ALG6: variants seen among roughly 807,000 people sequenced by gnomAD.
ALG6 encodes the protein ALG6 alpha-1,3-glucosyltransferase, also known as dolichyl pyrophosphate Man9GlcNAc2 alpha-1,3-glucosyltransferase.
ALG6 carries 46 observed loss-of-function variants against 66.6 expected under a neutral mutation model. The observed-to-expected ratio is 0.69, with a 90% CI of 0.55 to 0.88. ALG6 has a LOEUF of 0.88. Among genes scored for constraint, ALG6 ranks in the 40% least tolerant of loss-of-function variants. The pLI, the probability that ALG6 is intolerant of heterozygous loss-of-function variation, is 0.00. For missense variants in ALG6, 505 were observed against 586.8 expected (o/e 0.86, Z 1.44); for synonymous variants, 185 against 203.7 (o/e 0.91, Z 0.78).
intron 1 of ALG6, among the ~76,000 whole-genome samples, chr1:63,369,479 A>C (rs1392700133): frequency 2.0e-5 from 3 of 152,022 alleles, no homozygotes; most frequent in Non-Finnish European, 4.4e-5. Flanking sequence ...CAATACAAAA[A>C]TTAGCCAGGC....
chr1:63,391,019 A>C (rs1222670852), intron 2 of ALG6, among the ~76,000 whole-genome samples: 1 of 152,054 alleles, frequency 6.6e-6, no homozygotes, highest in African/African-American at 2.4e-5. Context: ...TAGCTGTTGA[A>C]TTTGGTGTTC....
intron 10 of ALG6, among the ~76,000 whole-genome samples, chr1:63,415,337 C>T (rs560929602): frequency 7.1e-4 from 108 of 152,246 alleles, no homozygotes; most frequent in African/African-American, 2.5e-3. Flanking sequence ...AGTTCTTTTT[C>T]CTCCCACCCA....
intron 14 of ALG6, among the ~76,000 whole-genome samples, chr1:63,434,182 T>C (rs1296046774): frequency 6.6e-6 from 1 of 152,164 alleles, no homozygotes; most frequent in African/African-American, 2.4e-5. Context: ...TTGTGGATAA[T>C]GGAATCCATG....
intron 12 of ALG6, among the ~76,000 whole-genome samples, chr1:63,427,722 C>T (rs897692387): frequency 3.3e-5 from 5 of 151,540 alleles, no homozygotes; most frequent in Non-Finnish European, 7.4e-5. Context: ...AATTGAATCC[C>T]AAAGGTACTG....
intron 2 of ALG6, among the ~76,000 whole-genome samples, chr1:63,387,530 CTCTTTTTTTTTTTTTTT>C (rs1396600596): frequency 3.3e-5 from 2 of 60,186 alleles, no homozygotes; most frequent in African/African-American, 1.4e-4. Flanking sequence ...CTTTGTCTTT[CTCTTTTTTTTTTTTTTT>C]TTTTTTTTTT....
chr1:63,425,923 C>T (rs113209598), intron 12 of ALG6, among the ~76,000 whole-genome samples: 286 of 151,308 alleles, frequency 1.9e-3, no homozygotes, highest in African/African-American at 6.6e-3. Context: ...AAAAGATTGT[C>T]GGAGTTGGAA....
At chr1:63,388,912 G>A (rs1032358892) in intron 2 of ALG6, among the ~76,000 whole-genome samples, 2 of 151,892 alleles carry the variant, frequency 1.3e-5, no homozygotes, top group Non-Finnish European at 2.9e-5. Flanking sequence ...TCTGGCCTGT[G>A]TGGCTTTCTA....
intron 2 of ALG6, among the ~76,000 whole-genome samples, chr1:63,381,051 GGCTCACACCTGTA>G (rs1314806608): frequency 6.6e-6 from 1 of 152,230 alleles, no homozygotes; most frequent in Non-Finnish European, 1.5e-5. Flanking sequence ...TGGGCCCAGT[GGCTCACACCTGTA>G]ATCCCAGCAC....
In ALG6 at chr1:63,400,269, G is replaced by A. The variant is rs1321888764; in HGVS notation, c.168-1985G>A. Reference sequence around the variant, plus strand: ...CGTATATATATGTATATATATATACGTATATATATATACGTATATATATAT... The same window carrying A: ...CGTATATATATGTATATATATATACATATATATATATACGTATATATATAT... On this transcript the variant is annotated intron_variant, in intron 3 of 14. Coordinates refer to ENST00000263440, the MANE Select transcript of ALG6 (RefSeq NM_013339.4). Among the ~76,000 whole-genome samples, 6 of 7,546 alleles carry A rather than the reference G, an allele frequency of 8.0e-4. 1 individual carries two copies. Among genetic ancestry groups the A allele is most frequent in the East Asian group, 0.013 (2 of 160 alleles). The allele number at this position is 7,546 out of a possible 152,430, so 5.0% of individuals were successfully genotyped here. A position where few individuals can be genotyped will look rare whatever the true frequency, so the allele number is the denominator to read the frequency against.
At chr1:63,370,055 T>C (rs35475514) in intron 1 of ALG6, among the ~76,000 whole-genome samples, 24,972 of 151,896 alleles carry the variant, frequency 0.16, 2,244 homozygotes, top group Middle Eastern at 0.28. Flanking sequence ...TGACCTCAGG[T>C]GATCTGCCCA....
Position 63,404,561 on chromosome 1 carries a change from TG to T in ALG6, c.346+21del. On this transcript the variant is annotated intron_variant, in intron 5 of 14. Coordinates refer to ENST00000263440, the MANE Select transcript of ALG6 (RefSeq NM_013339.4). ...CAACAGGTAAAAGAGCAATGGGTAG[TG>T]AATATAAAATTTGATTTTTTAAAAA... 6.2e-7 allele frequency: 1 copy of T among 1,607,460 alleles called. No individual in the cohort carries two copies. Among genetic ancestry groups the T allele is most frequent in the Non-Finnish European group, 8.5e-7 (1 of 1,174,096 alleles).
chr1:63,416,104 G>C lies in ALG6; in HGVS notation c.987+147G>C, dbSNP rs907500424. The C allele has an allele frequency of 1.9e-5, 13 of 679,174 alleles. No homozygotes were observed. In the African/African-American group the frequency reaches 2.2e-4, roughly 11 times the overall value. The allele number at this position is 679,174 out of a possible 1,614,324, so 42.1% of individuals were successfully genotyped here. The stretch of plus-strand genomic sequence containing the variant: ...ATTTATTGGATGTTTCCCATACTTA[G>C]CTTCTGTGTTAGACACTAAGCTAAG... On this transcript the variant is annotated intron_variant, in intron 11 of 14. Coordinates refer to ENST00000263440, the MANE Select transcript of ALG6 (RefSeq NM_013339.4).
Position 63,371,009 on chromosome 1 carries a change from T to C in ALG6, c.32T>C (p.Val11Ala). The C allele has an allele frequency of 6.2e-7, 1 of 1,611,034 alleles. No individual in the cohort carries two copies. ...AAATGGTACTTGATGACAGTAGTGG[T>C]TTTAATAGGACTAACAGTACGATGG... is the stretch of plus-strand genomic sequence containing the variant. MEKWYLMTVV[V>A]LIGLTVRWTV... Residue 11 changes from valine (V) to alanine (A), a missense_variant, in exon 2 of 15, where the codon GTT (valine) becomes GCT (alanine). Transcript: ENST00000263440.
intron 7 of ALG6, among the ~76,000 whole-genome samples, chr1:63,409,843 A>C (rs1476766125): frequency 6.6e-6 from 1 of 152,214 alleles, no homozygotes; most frequent in Non-Finnish European, 1.5e-5. Context: ...AAATGTCAGA[A>C]TGTGGAGGGG....
chr1:63,406,035 A>G (rs1644488491), intron 5 of ALG6, among the ~76,000 whole-genome samples: 1 of 152,104 alleles, frequency 6.6e-6, no homozygotes, highest in African/African-American at 2.4e-5. Context: ...TGCTTTGAAT[A>G]TTTTTAAGTC....
rs546011593 is a variant in ALG6 at position 63,389,283 on chromosome 1, A to G, written c.83-7230A>G. Among the ~76,000 whole-genome samples, 132 of 151,806 alleles carry G rather than the reference A, an allele frequency of 8.7e-4. 1 individual carries two copies. Among genetic ancestry groups the G allele is most frequent in the Middle Eastern group, 3.4e-3 (1 of 294 alleles). On this transcript the variant is annotated intron_variant, in intron 2 of 14. Transcript: ENST00000263440. ...TCTTTTGTCATTCTTATTTTTCTTT[A>G]GTTTCCACTGACTGTGTATTTTCAA...
chr1:63,388,706 T>C lies in ALG6; in HGVS notation c.83-7807T>C, dbSNP rs560827665. 2.0e-5 allele frequency among the ~76,000 whole-genome samples: 3 copies of C among 152,342 alleles called. No individual in the cohort carries two copies. The South Asian group carries it at 6.2e-4, about 32-fold the overall frequency. On this transcript the variant is annotated intron_variant, in intron 2 of 14. Coordinates refer to ENST00000263440, the MANE Select transcript of ALG6 (RefSeq NM_013339.4). Reference sequence around the variant, plus strand: ...GATTTCTTATTGCTTATTAATGCCCTTTTCTTTCTGGTTGAAGAACTCCCT... The same window carrying C: ...GATTTCTTATTGCTTATTAATGCCCCTTTCTTTCTGGTTGAAGAACTCCCT...
In ALG6 at chr1:63,429,064, T is replaced by C. The variant is rs1475739271; in HGVS notation, c.1264T>C (p.Ser422Pro). ...SEEELQLKSFSISVRKYLPCF... is the reference protein window; with the variant it reads ...SEEELQLKSFPISVRKYLPCF... ...AGAAGAACTGCAGTTGAAATCCTTT[T>C]CCATTTCTGTGAGGAAATATCTTCC... The change falls in exon 14 of 15, where the codon TCC becomes CCC. Residue 422 changes from serine to proline, a missense_variant. By Grantham distance (74) the Ser-to-Pro change is moderately conservative. Coordinates refer to ENST00000263440, the MANE Select transcript of ALG6 (RefSeq NM_013339.4). 6.2e-7 allele frequency: 1 copy of C among 1,605,784 alleles called. No homozygotes were observed. The highest frequency in any genetic ancestry group is 8.5e-7 in the Non-Finnish European group (1 of 1,176,048).
At chr1:63,413,194 A>T (rs548967969) in intron 9 of ALG6, among the ~76,000 whole-genome samples, 94 of 152,354 alleles carry the variant, frequency 6.2e-4, no homozygotes, top group African/African-American at 2.1e-3. Context: ...TATGTAGCAG[A>T]ACTGTGACTT....
Sources: allele counts gnomAD v4.1 joint callset (sites outside exome capture counted in the v4.1 genomes callset), GRCh38; gene constraint gnomAD v4.1.1; transcripts MANE v1.5; gene names NCBI Gene and HGNC (gene_info 2026-07-23, HGNC 2026-07-21).